The following CHD8 variants were observed in gnomAD, a reference collection of about 807,000 sequenced individuals.
The protein encoded by CHD8 is ATP-dependent chromatin remodeler CHD8.
Under a neutral mutation model 279.2 loss-of-function variants are expected in CHD8, and 31 were observed. The observed-to-expected ratio is 0.11, with a 90% CI of 0.08 to 0.15. The LOEUF is 0.15. Ranked by LOEUF, CHD8 falls within the 10% of genes least tolerant of loss-of-function variation. The pLI is 1.00. For synonymous variants in CHD8, 1,081 were observed against 1,139.6 expected, an observed-to-expected ratio of 0.95 and a Z score of 1.04; for missense variants, 2,146 against 3,230.5, an observed-to-expected ratio of 0.66 and a Z score of 8.14.
chr14:21,393,674 A>G lies in CHD8; in HGVS notation c.6121T>C (p.Tyr2041His), dbSNP rs1433062663. Residue 2041 changes from tyrosine (Y) to histidine (H), a missense_variant, in exon 32 of 38, where the codon TAT (tyrosine) becomes CAT (histidine). Tyr to His is a moderately conservative substitution (Grantham distance 83). Coordinates refer to ENST00000646647, the MANE Select transcript of CHD8 (RefSeq NM_001170629.2). Reference sequence around the variant, plus strand: ...TCAGAGGGGGATACTCGCATCTCATAGTCTTGTGGGGTTGGTCGGCTCCTG... The same window carrying G: ...TCAGAGGGGGATACTCGCATCTCATGGTCTTGTGGGGTTGGTCGGCTCCTG... ...VARSRPTPQD[Y>H]EMRVSPSDTT... 1.9e-6 allele frequency: 3 copies of G among 1,613,920 alleles called. No individual in the cohort carries two copies. The highest frequency in any genetic ancestry group is 2.5e-6 in the Non-Finnish European group (3 of 1,179,866).
intron 1 of CHD8, among the ~76,000 whole-genome samples, chr14:21,449,010 T>C (rs1890194143): frequency 6.6e-6 from 1 of 151,442 alleles, no homozygotes; most frequent in South Asian, 2.1e-4. Context: ...CCATCTCTAC[T>C]AAAAATACAA....
chr14:21,420,087 A>T (rs907698912), intron 5 of CHD8: 8 of 155,366 alleles, frequency 5.1e-5, no homozygotes, highest in South Asian at 3.8e-4. Flanking sequence ...CGGCCACCCC[A>T]GCTTTCTCTC....
Position 21,403,303 on chromosome 14 carries a change from T to C in CHD8, c.3519-91A>G. 1 of 1,344,098 alleles carries C rather than the reference T, an allele frequency of 7.4e-7. No individual in the cohort carries two copies. Among genetic ancestry groups the C allele is most frequent in the Non-Finnish European group, 1.0e-6 (1 of 976,206 alleles). The allele number at this position is 1,344,098 out of a possible 1,614,324, so 83.3% of individuals were successfully genotyped here. On this transcript the variant is annotated intron_variant, in intron 17 of 37. Transcript: ENST00000646647. The surrounding 1 kb of genome is among the most constrained non-coding windows in gnomAD (Gnocchi z 4.3). The stretch of plus-strand genomic sequence containing the variant: ...TAGGATCAATACCAGTACTCCCATA[T>C]CAAAGCTGGTCAAAAACCCAAGTTG...
intron 1 of CHD8, among the ~76,000 whole-genome samples, chr14:21,438,019 C>A (rs1443063696): frequency 2.0e-5 from 3 of 152,106 alleles, no homozygotes; most frequent in Middle Eastern, 3.2e-3. Context: ...GACTAGACAA[C>A]CCCAGAATGA....
chr14:21,445,719 C>CAAAA (rs1890099195), intron 1 of CHD8, among the ~76,000 whole-genome samples: 1 of 116,002 alleles, frequency 8.6e-6, no homozygotes, highest in African/African-American at 3.6e-5. Context: ...AAAAAAAAGT[C>CAAAA]AGCTGGGCAC....
intron 1 of CHD8, among the ~76,000 whole-genome samples, chr14:21,432,678 T>C (rs930830587): frequency 6.6e-5 from 10 of 152,184 alleles, no homozygotes; most frequent in Non-Finnish European, 1.5e-4. Context: ...TCCATCCCAA[T>C]GCCAATAATC....
chr14:21,429,437 G>T, intron 2 of CHD8, 102 bp from the exon 3 acceptor site: 1 of 1,181,546 alleles, frequency 8.5e-7, no homozygotes, highest in Non-Finnish European at 1.3e-6. Context: ...AAAAACTACA[G>T]GTCAGAAGAC....
At chr14:21,414,832 C>T in intron 8 of CHD8, 106 bp downstream of exon 8, 1 of 795,894 alleles carries the variant, frequency 1.3e-6, no homozygotes, top group Non-Finnish European at 2.1e-6. Context: ...GCAACCTGGG[C>T]TACAAGACTA....
At chr14:21,441,663 C>A (rs556499091) in intron 1 of CHD8, among the ~76,000 whole-genome samples, 2 of 151,514 alleles carry the variant, frequency 1.3e-5, no homozygotes, top group Non-Finnish European at 2.9e-5. Flanking sequence ...CCAAGGCGGG[C>A]ATATCACGAG....
intron 5 of CHD8, among the ~76,000 whole-genome samples, chr14:21,417,973 C>T (rs1419025080): frequency 2.0e-5 from 3 of 149,820 alleles, no homozygotes; most frequent in Non-Finnish European, 3.0e-5. Context: ...GTGTATCAAC[C>T]AGAACTCTAC....
chr14:21,415,601 C>T lies in CHD8; in HGVS notation c.1941G>A (p.Val647=), dbSNP rs567322707. Reference sequence around the variant, plus strand: ...CCTTCTTCACAATCCGCATAGAAAGCACTTTGTCTACAATGGCTGCATCTT... The same window carrying T: ...CCTTCTTCACAATCCGCATAGAAAGTACTTTGTCTACAATGGCTGCATCTT... ...SEEDAAIVDK[V]LSMRIVKKEL... The change falls in exon 7 of 38, where the codon GTG becomes GTA. Residue 647 remains valine, a synonymous_variant. Coordinates refer to ENST00000646647, the MANE Select transcript of CHD8 (RefSeq NM_001170629.2). 4.4e-6 allele frequency: 7 copies of T among 1,586,174 alleles called. No individual in the cohort carries two copies. The South Asian group carries it at 5.8e-5, about 13-fold the overall frequency.
intron 5 of CHD8, among the ~76,000 whole-genome samples, chr14:21,424,064 C>T (rs2139521792): frequency 6.6e-6 from 1 of 152,216 alleles, no homozygotes; most frequent in East Asian, 1.9e-4. Flanking sequence ...TCCTTCATGA[C>T]TTCTGAATTT....
chr14:21,431,803 G>A lies in CHD8; in HGVS notation c.-160C>T. 1 of 1,613,444 alleles carries A rather than the reference G, an allele frequency of 6.2e-7. No homozygotes were observed. Among genetic ancestry groups the A allele is most frequent in the Non-Finnish European group, 8.5e-7 (1 of 1,179,440 alleles). ...GCAAGAAACAAGTGCATGTCAGATT[G>A]TCCTGACCTTCATGGAGCAAGATGG... is the stretch of plus-strand genomic sequence containing the variant. On this transcript the variant is annotated 5_prime_UTR_variant, in exon 2 of 38. Coordinates refer to ENST00000646647, the MANE Select transcript of CHD8 (RefSeq NM_001170629.2).
intron 1 of CHD8, among the ~76,000 whole-genome samples, chr14:21,441,890 A>AAAAC (rs57797895): frequency 0.79 from 119,153 of 150,456 alleles, 48,622 homozygotes; most frequent in South Asian, 0.9. Context: ...CTCCACCTCA[A>AAAAC]AAACAAACAA....
At chr14:21,445,977 C>T (rs770256663) in intron 1 of CHD8, among the ~76,000 whole-genome samples, 38 of 149,174 alleles carry the variant, frequency 2.5e-4, no homozygotes, top group Non-Finnish European at 3.1e-4. Context: ...TCCAGCCTGG[C>T]GACAGAGCGA....
chr14:21,387,809 CAAAAAA>C (rs34063784), intron 37 of CHD8, among the ~76,000 whole-genome samples: 21 of 76,164 alleles, frequency 2.8e-4, no homozygotes, highest in East Asian at 1.2e-3. Context: ...CTGTCTCAAG[CAAAAAA>C]AAAAAAAAAA....
rs1467697389 is a variant in CHD8 at position 21,393,724 on chromosome 14, A to G, written c.6071T>C (p.Leu2024Ser). ...GGCCACCACCTCGTGCTCTAGCTTT[A>G]AAGTCAGACTCTCCAGACTGGGGAC... ...TQVPSLESLT[L>S]KLEHEVVARS... The change falls in exon 32 of 38, where the codon TTA becomes TCA. Residue 2024 changes from leucine to serine, a missense_variant. By Grantham distance (145) the Leu-to-Ser change is moderately radical. This residue lies in a region of CHD8 where 513 missense variants were observed against 637.6 expected (regional missense o/e 0.80). Coordinates refer to ENST00000646647, the MANE Select transcript of CHD8 (RefSeq NM_001170629.2). 3.7e-6 allele frequency: 6 copies of G among 1,613,774 alleles called. No individual in the cohort carries two copies. The highest frequency in any genetic ancestry group is 4.2e-6 in the Non-Finnish European group (5 of 1,179,852).
At chr14:21,435,754 T>C (rs1346599153) in intron 1 of CHD8, among the ~76,000 whole-genome samples, 3 of 152,204 alleles carry the variant, frequency 2.0e-5, no homozygotes, top group African/African-American at 7.2e-5. Context: ...AAACTACATC[T>C]CATTGTTTAG....
Position 21,403,443 on chromosome 14 carries a change from C to G in CHD8, c.3518+10G>C. 1 of 1,602,866 alleles carries G rather than the reference C, an allele frequency of 6.2e-7. No individual in the cohort carries two copies. The highest frequency in any genetic ancestry group is 8.5e-7 in the Non-Finnish European group (1 of 1,171,282). ...AGAGTAACCACAGGCTAGGATGACT[C>G]TTTTCTTACCTCCTCTGGATTAAAT... On this transcript the variant is annotated intron_variant, in intron 17 of 37. Coordinates refer to ENST00000646647, the MANE Select transcript of CHD8 (RefSeq NM_001170629.2). The surrounding 1 kb of genome is among the most constrained non-coding windows in gnomAD (Gnocchi z 4.3).
Sources: allele counts gnomAD v4.1 joint callset (sites outside exome capture counted in the v4.1 genomes callset), GRCh38; gene constraint gnomAD v4.1.1; regional missense constraint gnomAD v4.1.1; non-coding constraint Gnocchi (gnomAD v3.1); transcripts MANE v1.5; gene names NCBI Gene and HGNC (gene_info 2026-07-23, HGNC 2026-07-21).